CTNND2: variants seen among roughly 807,000 people sequenced by gnomAD.
CTNND2 encodes catenin delta-2.
A neutral mutation model predicts 144.4 loss-of-function variants in CTNND2; 22 were observed. The observed-to-expected ratio is 0.15, with a 90% CI of 0.11 to 0.22. The LOEUF is 0.22. Ranked by LOEUF, CTNND2 falls within the 10% of genes least tolerant of loss-of-function variation. CTNND2 has a pLI of 1.00. For missense variants in CTNND2, 1,353 were observed against 1,618.8 expected, an observed-to-expected ratio of 0.84 and a Z score of 2.82; for synonymous variants, 751 against 695.6, an observed-to-expected ratio of 1.08 and a Z score of -1.25.
intron 3 of CTNND2, among the ~76,000 whole-genome samples, chr5:11,550,492 C>T (rs1393685248): frequency 6.6e-6 from 1 of 152,226 alleles, no homozygotes; most frequent in Admixed American, 6.5e-5. Flanking sequence ...GGAAAGTTGG[C>T]AGTCAATGCC....
chr5:11,705,392 A>G (rs1174032827), intron 2 of CTNND2, among the ~76,000 whole-genome samples: 2 of 152,250 alleles, frequency 1.3e-5, no homozygotes, highest in Non-Finnish European at 2.9e-5. Flanking sequence ...ATATAAGTGG[A>G]AAAAGCAAAA....
rs6892241 is a variant in CTNND2, at chr5:11,851,888, T to C, written c.37+51929A>G. On this transcript the variant is annotated intron_variant, in intron 1 of 21. Coordinates refer to ENST00000304623, the MANE Select transcript of CTNND2 (RefSeq NM_001332.4). Reference sequence around the variant, plus strand: ...TAGGGCAGAGGGTAGCTAAATGCAGTCGATGCTTTCTAGAAAAGGCAAATA... The same window carrying C: ...TAGGGCAGAGGGTAGCTAAATGCAGCCGATGCTTTCTAGAAAAGGCAAATA... Among the ~76,000 whole-genome samples the C allele has an allele frequency of 3.0e-3, 457 of 152,332 alleles. 4 individuals carry two copies. The highest frequency in any genetic ancestry group is 0.011 in the African/African-American group (437 of 41,574).
intron 3 of CTNND2, among the ~76,000 whole-genome samples, chr5:11,509,358 A>T (rs1433419917): frequency 8.2e-6 from 1 of 121,962 alleles, no homozygotes; most frequent in African/African-American, 3.4e-5. Flanking sequence ...GTGGAACTAT[A>T]AAAAAACCCA....
intron 10 of CTNND2, among the ~76,000 whole-genome samples, chr5:11,207,382 T>C (rs961258677): frequency 1.3e-4 from 20 of 148,682 alleles, no homozygotes; most frequent in Non-Finnish European, 3.0e-5. Context: ...ACTTCAAGTA[T>C]TTAAAAAAAA....
chr5:11,516,026 G>A (rs1772134584), intron 3 of CTNND2, among the ~76,000 whole-genome samples: 2 of 152,020 alleles, frequency 1.3e-5, no homozygotes, highest in Admixed American at 1.3e-4. Context: ...GAGACTGCTT[G>A]AGCTTGGGAG....
At chr5:11,595,322 C>G (rs549225463) in intron 2 of CTNND2, among the ~76,000 whole-genome samples, 12 of 152,268 alleles carry the variant, frequency 7.9e-5, no homozygotes, top group African/African-American at 2.9e-4. Flanking sequence ...ACTCTTGAAA[C>G]CAAGTGTCAG....
Position 11,891,968 on chromosome 5 carries a change from TC to T in CTNND2, c.37+11848del, listed in dbSNP as rs547702150. 5.1e-3 allele frequency among the ~76,000 whole-genome samples: 776 copies of T among 152,340 alleles called. 4 individuals are homozygous for T. The highest frequency in any genetic ancestry group is 0.018 in the African/African-American group (739 of 41,566). ...TGCCCTTCAGTGTGGTACTCAATTATCCACTCAGTGCTACAGCACAGTCTGT... is the reference window on the plus strand; with the variant it reads ...TGCCCTTCAGTGTGGTACTCAATTATCACTCAGTGCTACAGCACAGTCTGT... On this transcript the variant is annotated intron_variant, in intron 1 of 21. Transcript: ENST00000304623.
rs1580708991 is a variant in CTNND2 at position 11,250,339 on chromosome 5, C to T, written c.1629-13516G>A. The stretch of plus-strand genomic sequence containing the variant: ...GGTACCCAATTACCTTTCATTTCTA[C>T]CCATTGATAAAGTCTTAGACTAGCC... On this transcript the variant is annotated intron_variant, in intron 9 of 21. Transcript: ENST00000304623. 2.0e-5 allele frequency among the ~76,000 whole-genome samples: 3 copies of T among 151,684 alleles called. No individual in the cohort carries two copies. In the South Asian group the frequency reaches 6.2e-4, roughly 32 times the overall value.
At chr5:11,812,505 A>C (rs1792392957) in intron 1 of CTNND2, among the ~76,000 whole-genome samples, 1 of 151,992 alleles carries the variant, frequency 6.6e-6, no homozygotes, top group Non-Finnish European at 1.5e-5. Flanking sequence ...TTTCTATCCC[A>C]TTTGTTAATG....
In CTNND2 at chr5:11,792,863, A is replaced by T. The variant is rs189958118; in HGVS notation, c.38-60591T>A. Among the ~76,000 whole-genome samples, 27 of 152,200 alleles carry T rather than the reference A, an allele frequency of 1.8e-4. No homozygotes were observed. In the South Asian group the frequency reaches 2.1e-3, roughly 12 times the overall value. On this transcript the variant is annotated intron_variant, in intron 1 of 21. Transcript: ENST00000304623. ...GCCAGATTCCATTCACAGCCAAAAA[A>T]CTCTTGCCAACAAAGGCTTAAAATG...
At chr5:11,542,762 C>A (rs1774871691) in intron 3 of CTNND2, among the ~76,000 whole-genome samples, 1 of 152,188 alleles carries the variant, frequency 6.6e-6, no homozygotes, top group South Asian at 2.1e-4. Flanking sequence ...AAGCCTTATG[C>A]CACTTCTTGT....
At chr5:11,322,565 T>C (rs1440132183) in intron 9 of CTNND2, among the ~76,000 whole-genome samples, 1 of 152,236 alleles carries the variant, frequency 6.6e-6, no homozygotes, top group Non-Finnish European at 1.5e-5. Context: ...TGATTCATTT[T>C]TCAATATTTT....
At chr5:11,833,864 T>G (rs1365916455) in intron 1 of CTNND2, among the ~76,000 whole-genome samples, 1 of 152,164 alleles carries the variant, frequency 6.6e-6, no homozygotes, top group Non-Finnish European at 1.5e-5. Context: ...AGTCACATGA[T>G]AGTACACATT....
chr5:11,630,731 C>G (rs1036969441), intron 2 of CTNND2, among the ~76,000 whole-genome samples: 1 of 152,054 alleles, frequency 6.6e-6, no homozygotes, highest in Admixed American at 6.6e-5. Flanking sequence ...GCAGGTGGAT[C>G]ACCTGAGGTC....
At chr5:11,484,497 T>G (rs947626281) in intron 3 of CTNND2, among the ~76,000 whole-genome samples, 1 of 152,160 alleles carries the variant, frequency 6.6e-6, no homozygotes, top group Non-Finnish European at 1.5e-5. Flanking sequence ...ATTTCTGTAC[T>G]AAGAAAAACA....
chr5:11,586,865 C>T (rs1442085946), intron 2 of CTNND2, among the ~76,000 whole-genome samples: 1 of 151,858 alleles, frequency 6.6e-6, no homozygotes, highest in Non-Finnish European at 1.5e-5. Context: ...TGACTCTCTG[C>T]TTTTGTTTAA....
At chr5:11,179,648 C>A (rs1054874673) in intron 11 of CTNND2, among the ~76,000 whole-genome samples, 5 of 152,028 alleles carry the variant, frequency 3.3e-5, no homozygotes, top group African/African-American at 1.2e-4. Context: ...ATTTTCTGAC[C>A]TCCACTTCTA....
chr5:11,541,550 G>A (rs1457470463), intron 3 of CTNND2, among the ~76,000 whole-genome samples: 1 of 152,090 alleles, frequency 6.6e-6, no homozygotes, highest in Non-Finnish European at 1.5e-5. Context: ...AGGGATCAGA[G>A]GAAAAGCCTA....
intron 10 of CTNND2, among the ~76,000 whole-genome samples, chr5:11,210,284 G>A (rs1255281354): frequency 1.3e-5 from 2 of 152,158 alleles, no homozygotes; most frequent in African/African-American, 2.4e-5. Flanking sequence ...TGTAATCCCA[G>A]CTACTCAGGA....
Sources: allele counts gnomAD v4.1 joint callset (sites outside exome capture counted in the v4.1 genomes callset), GRCh38; gene constraint gnomAD v4.1.1; transcripts MANE v1.5; gene names NCBI Gene and HGNC (gene_info 2026-07-23, HGNC 2026-07-21).